FKBP15: variants seen among roughly 807,000 people sequenced by gnomAD.
The protein encoded by FKBP15 is FKBP prolyl isomerase family member 15, also known as FK506-binding protein 15.
In FKBP15, 106 loss-of-function variants were observed where a neutral mutation model predicts 158.1. The observed-to-expected ratio is 0.67, with a 90% CI of 0.57 to 0.79. The LOEUF is 0.79. Ranked by LOEUF, FKBP15 falls within the 30% of genes least tolerant of loss-of-function variation. The probability of loss-of-function intolerance (pLI) is 0.00; values close to 1 mark genes in which losing one functional copy is unlikely to be tolerated. For missense variants in FKBP15, 1,287 were observed against 1,479.1 expected (o/e 0.87, Z 2.13); for synonymous variants, 547 against 548.6 (o/e 1.00, Z 0.04).
At position 113,207,430 on chromosome 9, in the gene FKBP15, C is replaced by T. The variant is rs1044319390; in HGVS notation, c.170-134G>A. Reference sequence around the variant, plus strand: ...TCTCGGTTCACTGCAACCTCCACCTCCCGGGTTCAAGCCATTCTCCTGCCT... The same window carrying T: ...TCTCGGTTCACTGCAACCTCCACCTTCCGGGTTCAAGCCATTCTCCTGCCT... On this transcript the variant is annotated intron_variant, in intron 2 of 27. Transcript: ENST00000238256. 6.5e-6 allele frequency: 4 copies of T among 612,504 alleles called. No individual in the cohort carries two copies. The East Asian group carries it at 1.2e-4, about 18-fold the overall frequency. 37.9% of individuals were successfully genotyped at this position (612,504 alleles called of 1,614,324 possible).
rs769535330 is a variant in FKBP15, at chr9:113,162,884, C to G, written c.*3194G>C. 3.7e-6 allele frequency: 6 copies of G among 1,612,638 alleles called. No homozygotes were observed. The highest frequency in any genetic ancestry group is 4.2e-6 in the Non-Finnish European group (5 of 1,179,576). ...TGGTCTTGGGCTCTGCTGTGGGCTA[C>G]TACCTAGCTTACCCACTTCTCAGCA... On this transcript the variant is annotated 3_prime_UTR_variant, in exon 28 of 28. Coordinates refer to ENST00000238256, the MANE Select transcript of FKBP15 (RefSeq NM_015258.2).
intron 27 of FKBP15, among the ~76,000 whole-genome samples, 171 bp from the exon 28 acceptor site, chr9:113,166,326 G>A (rs1332355693): frequency 6.6e-6 from 1 of 152,220 alleles, no homozygotes; most frequent in Non-Finnish European, 1.5e-5. Flanking sequence ...ATAAAGCTGA[G>A]ACCAGCAGGC....
In FKBP15 at chr9:113,188,452, T is replaced by A. The variant is rs749306160; in HGVS notation, c.1213A>T (p.Thr405Ser). ...TLQGGGQPVVTPSVQPSLHPA... is the reference protein window; with the variant it reads ...TLQGGGQPVVSPSVQPSLHPA... ...TGAAGAGAGGGCTGGACGGACGGAG[T>A]CACCACAGGCTGCCCACCTCCTTGC... is the stretch of plus-strand genomic sequence containing the variant. The change falls in exon 13 of 28, where the codon ACT becomes TCT. Residue 405 changes from threonine to serine, a missense_variant. By Grantham distance (58) the Thr-to-Ser change is moderately conservative. Transcript: ENST00000238256. 1.2e-6 allele frequency: 2 copies of A among 1,613,666 alleles called. No individual in the cohort carries two copies. Among genetic ancestry groups the A allele is most frequent in the Admixed American group, 3.3e-5 (2 of 59,994 alleles).
chr9:113,213,277 C>T (rs1831051161), intron 1 of FKBP15, among the ~76,000 whole-genome samples: 2 of 152,050 alleles, frequency 1.3e-5, no homozygotes, highest in African/African-American at 2.4e-5. Flanking sequence ...GGCGTGGTGG[C>T]ACGCACCTGT....
chr9:113,182,727 C>G (rs1377351260), intron 19 of FKBP15, 39 bp downstream of exon 19: 3 of 1,531,680 alleles, frequency 2.0e-6, no homozygotes. Context: ...TTAGCTCTAC[C>G]CATCCTGACC....
rs926416860 is a variant in FKBP15 at position 113,164,863 on chromosome 9, A to C, written c.*1215T>G. 3 of 152,248 alleles carry C rather than the reference A, an allele frequency of 2.0e-5. No individual in the cohort carries two copies. The highest frequency in any genetic ancestry group is 2.9e-5 in the Non-Finnish European group (2 of 68,050). 9.4% of individuals were successfully genotyped at this position (152,248 alleles called of 1,614,324 possible). On this transcript the variant is annotated 3_prime_UTR_variant, in exon 28 of 28. Transcript: ENST00000238256. Reference sequence around the variant, plus strand: ...AGATAAGCCAGTCTGTGAAAGTGCCAAACAGCACCGCCTTTTGTTAAGCAA... The same window carrying C: ...AGATAAGCCAGTCTGTGAAAGTGCCCAACAGCACCGCCTTTTGTTAAGCAA...
At chr9:113,179,713 A>T (rs1830359829) in intron 19 of FKBP15, among the ~76,000 whole-genome samples, 1 of 152,046 alleles carries the variant, frequency 6.6e-6, no homozygotes, top group Non-Finnish European at 1.5e-5. Flanking sequence ...AATAAAAATA[A>T]CATGCCACTG....
chr9:113,182,898 T>C, intron 18 of FKBP15, 30 bp from the exon 19 acceptor site: 3 of 1,578,802 alleles, frequency 1.9e-6, no homozygotes, highest in Non-Finnish European at 2.6e-6. Flanking sequence ...AAAGAAAACA[T>C]TTATCAAGCA....
At chr9:113,188,148 T>C (rs868084897) in intron 13 of FKBP15, among the ~76,000 whole-genome samples, 8 of 152,286 alleles carry the variant, frequency 5.3e-5, no homozygotes, top group Middle Eastern at 6.8e-3. Context: ...GATGTCTCAA[T>C]AGCTGAGTGC....
rs1168234239 is a variant in FKBP15 at position 113,197,094 on chromosome 9, A to G, written c.718-16T>C. The stretch of plus-strand genomic sequence containing the variant: ...CCTCCCAGCCCTTTAAAAATCAGAT[A>G]GGAAAAGCTCATCAAACAAGAAGCT... On this transcript the variant is annotated splice_polypyrimidine_tract_variant and intron_variant, in intron 8 of 27. Coordinates refer to ENST00000238256, the MANE Select transcript of FKBP15 (RefSeq NM_015258.2). The G allele has an allele frequency of 3.7e-6, 6 of 1,607,864 alleles. No individual in the cohort carries two copies. Among genetic ancestry groups the G allele is most frequent in the South Asian group, 3.3e-5 (3 of 90,990 alleles).
intron 11 of FKBP15, 84 bp downstream of exon 11, chr9:113,193,408 G>A: frequency 9.0e-7 from 1 of 1,114,484 alleles, no homozygotes; most frequent in South Asian, 1.3e-5. Context: ...CTCCTGCACT[G>A]TAGTGATCCT....
Position 113,169,954 on chromosome 9 carries a change from C to A in FKBP15, c.2767-12G>T. 2 of 1,527,180 alleles carry A rather than the reference C, an allele frequency of 1.3e-6. No individual in the cohort carries two copies. The highest frequency in any genetic ancestry group is 2.8e-5 in the African/African-American group (2 of 72,716). 94.6% of individuals were successfully genotyped at this position (1,527,180 alleles called of 1,614,324 possible). Reference sequence around the variant, plus strand: ...TGAAGAGTCACCATCTATTCAAAAGCCAAGGAAGAGATGGTCACTGAAAGG... The same window carrying A: ...TGAAGAGTCACCATCTATTCAAAAGACAAGGAAGAGATGGTCACTGAAAGG... On this transcript the variant is annotated splice_polypyrimidine_tract_variant and intron_variant, in intron 25 of 27. Transcript: ENST00000238256.
chr9:113,195,507 A>G (rs1244418099), intron 9 of FKBP15, among the ~76,000 whole-genome samples: 1 of 152,240 alleles, frequency 6.6e-6, no homozygotes, highest in Non-Finnish European at 1.5e-5. Flanking sequence ...AAAAGGCAGC[A>G]GGGCGTATGT....
At position 113,194,091 on chromosome 9, in the gene FKBP15, C is replaced by T; in HGVS notation, c.943G>A (p.Gly315Ser). ...RDSAAPSPIP[G>S]ADNLSADPVV... The stretch of plus-strand genomic sequence containing the variant: ...GGATCAGCAGAGAGGTTGTCAGCAC[C>T]AGGGATGGGAGACGGAGCTGCAGAA... Residue 315 changes from glycine to serine, a missense_variant, in exon 10 of 28, where the codon GGT becomes AGT. Physicochemically the swap from Gly to Ser is moderately conservative, Grantham distance 56. Coordinates refer to ENST00000238256, the MANE Select transcript of FKBP15 (RefSeq NM_015258.2). The T allele has an allele frequency of 6.2e-7, 1 of 1,613,474 alleles. No individual in the cohort carries two copies. The highest frequency in any genetic ancestry group is 8.5e-7 in the Non-Finnish European group (1 of 1,179,594).
At position 113,161,654 on chromosome 9, in the gene FKBP15, C is replaced by G. The variant is rs1203355629; in HGVS notation, c.*4424G>C. ...AGACCATCGCAGAGACAGACGGGGA[C>G]TCTGCAGGCTCAGATTCATTCCCTG... On this transcript the variant is annotated 3_prime_UTR_variant, in exon 28 of 28. Transcript: ENST00000238256. 6 of 1,614,060 alleles carry G rather than the reference C, an allele frequency of 3.7e-6. No homozygotes were observed. Among genetic ancestry groups the G allele is most frequent in the Non-Finnish European group, 3.4e-6 (4 of 1,179,908 alleles).
intron 19 of FKBP15, among the ~76,000 whole-genome samples, chr9:113,181,136 A>T (rs1167597779): frequency 6.6e-6 from 1 of 152,222 alleles, no homozygotes; most frequent in East Asian, 1.9e-4. Flanking sequence ...GAAACATGGT[A>T]TCTATAACAC....
At chr9:113,200,081 T>G (rs1830760413) in intron 6 of FKBP15, 118 bp from the exon 7 acceptor site, 4 of 1,219,864 alleles carry the variant, frequency 3.3e-6, no homozygotes, top group Non-Finnish European at 1.1e-6. Context: ...ATTACATGTT[T>G]AGAAGTAAAC....
At chr9:113,213,268 G>T (rs1298933753) in intron 1 of FKBP15, among the ~76,000 whole-genome samples, 1 of 152,108 alleles carries the variant, frequency 6.6e-6, no homozygotes, top group African/African-American at 2.4e-5. Context: ...AATTAGCCGG[G>T]CGTGGTGGCA....
At position 113,186,307 on chromosome 9, in the gene FKBP15, C is replaced by G; in HGVS notation, c.1440G>C (p.Gln480His). The G allele has an allele frequency of 6.4e-7, 1 of 1,571,816 alleles. No individual in the cohort carries two copies. Among genetic ancestry groups the G allele is most frequent in the South Asian group, 1.2e-5 (1 of 85,284 alleles). ...AYPQASAVTS[Q>H]LQPVRPLYPA... ...GGTACAAAGGCCGAACGGGCTGCAG[C>G]TGGGAGGTGACGGCAGATGCCTGGG... Residue 480 changes from glutamine to histidine, a missense_variant, in exon 15 of 28, where the codon CAG becomes CAC. Coordinates refer to ENST00000238256, the MANE Select transcript of FKBP15 (RefSeq NM_015258.2).
Sources: allele counts gnomAD v4.1 joint callset (sites outside exome capture counted in the v4.1 genomes callset), GRCh38; gene constraint gnomAD v4.1.1; transcripts MANE v1.5; gene names NCBI Gene and HGNC (gene_info 2026-07-23, HGNC 2026-07-21).